The following KIF5B variants were observed in gnomAD, a reference collection of about 807,000 sequenced individuals.
The protein encoded by KIF5B is kinesin family member 5B.
In KIF5B, 49 loss-of-function variants were observed where a neutral mutation model predicts 132.8. The observed-to-expected ratio is 0.37, with a 90% confidence interval of 0.29 to 0.47. The LOEUF (loss-of-function observed/expected upper bound fraction) is 0.47. Ranked by LOEUF, KIF5B falls within the 20% of genes least tolerant of loss-of-function variation. The pLI is 1.00. For missense variants in KIF5B, 780 were observed against 1,144.0 expected (o/e 0.68, Z 4.59); for synonymous variants, 355 against 369.4 (o/e 0.96, Z 0.45).
intron 20 of KIF5B, among the ~76,000 whole-genome samples, chr10:32,019,318 A>G (rs1209728069): frequency 6.6e-6 from 1 of 152,242 alleles, no homozygotes; most frequent in Non-Finnish European, 1.5e-5. Flanking sequence ...TAACAATATC[A>G]GTTGATTTGC....
chr10:32,023,157 T>A (rs1383852564), intron 15 of KIF5B, 121 bp from the exon 16 acceptor site: 8 of 472,246 alleles, frequency 1.7e-5, no homozygotes, highest in Non-Finnish European at 2.5e-5. Flanking sequence ...TCATACAAAG[T>A]CTGGATCTTA....
At chr10:32,043,421 G>C (rs957252234) in intron 2 of KIF5B, among the ~76,000 whole-genome samples, 2 of 152,186 alleles carry the variant, frequency 1.3e-5, no homozygotes, top group Admixed American at 1.3e-4. Context: ...AATGCAAATA[G>C]ACTTGGTTCC....
chr10:32,027,776 A>T (rs111437985), intron 15 of KIF5B, among the ~76,000 whole-genome samples: 1,880 of 151,728 alleles, frequency 0.012, 37 homozygotes, highest in African/African-American at 0.043. Flanking sequence ...CTAATTTTTA[A>T]ATTTTTTGTA....
intron 25 of KIF5B, among the ~76,000 whole-genome samples, chr10:32,014,199 C>T (rs74129471): frequency 7.1e-4 from 108 of 152,052 alleles, no homozygotes; most frequent in African/African-American, 2.6e-3. Flanking sequence ...GAAAGTGTTC[C>T]GAATATATTG....
chr10:32,044,875 T>C (rs1841589114), intron 2 of KIF5B, among the ~76,000 whole-genome samples: 1 of 152,078 alleles, frequency 6.6e-6, no homozygotes, highest in African/African-American at 2.4e-5. Flanking sequence ...ATTCTAAAGA[T>C]TATACTCTTA....
At chr10:32,054,939 A>C (rs1244386803) in intron 1 of KIF5B, among the ~76,000 whole-genome samples, 1 of 144,604 alleles carries the variant, frequency 6.9e-6, no homozygotes, top group African/African-American at 2.5e-5. Flanking sequence ...ACCAAACAAC[A>C]ATTTTCTTCA....
chr10:32,055,205 T>C (rs1268682462), intron 1 of KIF5B, among the ~76,000 whole-genome samples: 1 of 152,148 alleles, frequency 6.6e-6, no homozygotes, highest in Non-Finnish European at 1.5e-5. Context: ...AGCTCAACTA[T>C]TTCTTTCTAC....
intron 2 of KIF5B, among the ~76,000 whole-genome samples, chr10:32,040,729 C>T (rs1841524007): frequency 1.3e-5 from 2 of 151,954 alleles, no homozygotes; most frequent in Non-Finnish European, 1.5e-5. Context: ...TGCGGTAGCT[C>T]ACTCCTGTAA....
At chr10:32,043,608 A>T (rs1841571935) in intron 2 of KIF5B, among the ~76,000 whole-genome samples, 1 of 152,242 alleles carries the variant, frequency 6.6e-6, no homozygotes, top group Non-Finnish European at 1.5e-5. Context: ...TGCTTATCAT[A>T]TAGTGGGCAA....
intron 1 of KIF5B, among the ~76,000 whole-genome samples, chr10:32,048,777 G>C (rs1841649173): frequency 6.6e-6 from 1 of 151,768 alleles, no homozygotes; most frequent in Non-Finnish European, 1.5e-5. Context: ...GCATTCCCAG[G>C]GCCCAGTAAT....
At chr10:32,018,464 A>C in intron 21 of KIF5B, 38 bp downstream of exon 21, 1 of 1,592,930 alleles carries the variant, frequency 6.3e-7, no homozygotes, top group East Asian at 2.2e-5. Context: ...AACCCACAAA[A>C]TATTTCCCAA....
rs1259372857 is a variant in KIF5B at position 32,019,977 on chromosome 10, T to C, written c.2205-18A>G. On this transcript the variant is annotated intron_variant, in intron 19 of 25. Transcript: ENST00000302418. The stretch of plus-strand genomic sequence containing the variant: ...GGTTTTGGCTGACGAAAGAAAAAAA[T>C]AATTAACACAGTATCAATATCACAG... 6.7e-7 allele frequency: 1 copy of C among 1,488,056 alleles called. No individual in the cohort carries two copies. The highest frequency in any genetic ancestry group is 9.3e-7 in the Non-Finnish European group (1 of 1,078,390). 92.2% of individuals were successfully genotyped at this position (1,488,056 alleles called of 1,614,324 possible). A position where few individuals can be genotyped will look rare whatever the true frequency, so the allele number is the denominator to read the frequency against.
chr10:32,015,437 T>C (rs1286349070), intron 25 of KIF5B, 72 bp downstream of exon 25: 1 of 1,249,790 alleles, frequency 8.0e-7, no homozygotes, highest in Non-Finnish European at 1.1e-6. Flanking sequence ...GAGAATTTTT[T>C]AAAACCAAAA....
intron 16 of KIF5B, 81 bp from the exon 17 acceptor site, chr10:32,022,338 T>A: frequency 1.4e-6 from 1 of 697,662 alleles, no homozygotes. Context: ...CATTTCATTA[T>A]CTATATATGA....
intron 15 of KIF5B, among the ~76,000 whole-genome samples, chr10:32,026,458 A>AAAAG (rs386371124): frequency 1.3e-5 from 2 of 150,208 alleles, no homozygotes; most frequent in Admixed American, 6.6e-5. Context: ...AAAAAAAAAA[A>AAAAG]AAAGTAACGC....
At chr10:32,026,117 CAT>C (rs1182571970) in intron 15 of KIF5B, among the ~76,000 whole-genome samples, 1 of 152,016 alleles carries the variant, frequency 6.6e-6, no homozygotes, top group Non-Finnish European at 1.5e-5. Context: ...TAAACTGTAA[CAT>C]AAAACTGTAA....
At position 32,034,548 on chromosome 10, in the gene KIF5B, T is replaced by C. The variant is rs747422864; in HGVS notation, c.1111+142A>G. Reference sequence around the variant, plus strand: ...TTTTATTTTTCAGCTCCAGGATTTCTATTAATTTTTTTAAAAATTATTTCG... The same window carrying C: ...TTTTATTTTTCAGCTCCAGGATTTCCATTAATTTTTTTAAAAATTATTTCG... On this transcript the variant is annotated intron_variant, in intron 11 of 25. Coordinates refer to ENST00000302418, the MANE Select transcript of KIF5B (RefSeq NM_004521.3). 9.4e-5 allele frequency: 51 copies of C among 545,292 alleles called. No homozygotes were observed. The Middle Eastern group carries it at 2.1e-3, about 22-fold the overall frequency. 33.8% of individuals were successfully genotyped at this position (545,292 alleles called of 1,614,324 possible). A position where few individuals can be genotyped will look rare whatever the true frequency, so the allele number is the denominator to read the frequency against.
At chr10:32,035,862 CAG>C in intron 9 of KIF5B, 26 bp downstream of exon 9, 1 of 1,532,604 alleles carries the variant, frequency 6.5e-7, no homozygotes, top group Non-Finnish European at 9.0e-7. Flanking sequence ...CATAAGGTAA[CAG>C]GGAGATAGAA....
intron 8 of KIF5B, among the ~76,000 whole-genome samples, chr10:32,036,242 T>C (rs184009721): frequency 1.1e-3 from 161 of 152,278 alleles, no homozygotes; most frequent in Non-Finnish European, 1.8e-3. Context: ...AAATGTAAAT[T>C]TGTAGTTCAT....
Sources: gnomAD v4.1 joint callset for allele counts (sites outside exome capture counted in the v4.1 genomes callset) on GRCh38, gnomAD v4.1.1 for gene constraint, MANE v1.5 for transcripts, NCBI Gene and HGNC (gene_info 2026-07-23, HGNC 2026-07-21) for gene names.